The following PPP2R1B variants were observed in gnomAD, a reference collection of about 807,000 sequenced individuals.
The protein encoded by PPP2R1B is serine/threonine-protein phosphatase 2A 65 kDa regulatory subunit A beta isoform.
PPP2R1B carries 58 observed loss-of-function variants against 72.7 expected under a neutral mutation model. The observed-to-expected ratio is 0.80, with a 90% CI of 0.65 to 0.99. PPP2R1B has a LOEUF of 0.99. PPP2R1B is among the 50% of genes least tolerant of loss of function. PPP2R1B has a pLI of 0.00. For missense variants in PPP2R1B, 695 were observed against 733.6 expected, an observed-to-expected ratio of 0.95 and a Z score of 0.61; for synonymous variants, 256 against 264.6, an observed-to-expected ratio of 0.97 and a Z score of 0.32.
the PPP2R1B span, chr11:111,721,829 G>A: frequency 6.2e-7 from 1 of 1,605,102 alleles, no homozygotes. Flanking sequence ...TTGCTCCTCA[G>A]GAAGAAGTTT....
At chr11:111,753,291 A>G in intron 9 of PPP2R1B, 152 bp downstream of exon 9, 1 of 1,059,926 alleles carries the variant, frequency 9.4e-7, no homozygotes, top group Non-Finnish European at 1.3e-6. Flanking sequence ...CTATAACCCC[A>G]TACCCAAAAT....
chr11:111,749,943 G>C (rs1176208991), intron 10 of PPP2R1B, among the ~76,000 whole-genome samples: 1 of 152,120 alleles, frequency 6.6e-6, no homozygotes, highest in African/African-American at 2.4e-5. Flanking sequence ...AGATAGTTTT[G>C]GTCTTCAGCA....
chr11:111,722,273 A>G (rs1943824536), downstream of PPP2R1B, among the ~76,000 whole-genome samples: 1 of 152,222 alleles, frequency 6.6e-6, no homozygotes, highest in South Asian at 2.1e-4. The surrounding 1 kb of genome is among the most constrained non-coding windows in gnomAD (Gnocchi z 4.4). Flanking sequence ...CAGAATTTCT[A>G]CATGGGCTTT....
At chr11:111,719,972 G>A in the PPP2R1B span, 1 of 1,614,056 alleles carries the variant, frequency 6.2e-7, no homozygotes, top group Admixed American at 1.7e-5. Flanking sequence ...TGTCAGAAGT[G>A]ACCAATCAAC....
chr11:111,760,049 A>G (rs1945270169), intron 4 of PPP2R1B, 98 bp from the exon 5 acceptor site: 2 of 1,268,208 alleles, frequency 1.6e-6, no homozygotes, highest in Non-Finnish European at 2.2e-6. Flanking sequence ...TTATCTTACA[A>G]TAATCAGTGA....
intron 9 of PPP2R1B, among the ~76,000 whole-genome samples, chr11:111,753,063 C>T (rs1252928546): frequency 5.3e-5 from 8 of 152,166 alleles, no homozygotes; most frequent in Admixed American, 3.9e-4. Context: ...ATGCAAAGCA[C>T]TAAGGCTCAT....
intron 15 of PPP2R1B, among the ~76,000 whole-genome samples, chr11:111,731,362 A>AAGGCCTC (rs577329580): frequency 1.4e-4 from 22 of 152,198 alleles, no homozygotes; most frequent in Non-Finnish European, 1.9e-4. Flanking sequence ...GGGTCTGCCA[A>AAGGCCTC]AGGCCTCGAC....
chr11:111,695,585 G>C, the PPP2R1B span, among the ~76,000 whole-genome samples: 174 of 152,182 alleles, frequency 1.1e-3, 1 homozygote, highest in African/African-American at 4.0e-3. Context: ...TCTGTTTTCT[G>C]GCTAGTCAAA....
chr11:111,752,790 C>T (rs1944958077), intron 9 of PPP2R1B, among the ~76,000 whole-genome samples: 2 of 152,064 alleles, frequency 1.3e-5, no homozygotes, highest in Admixed American at 1.3e-4. Flanking sequence ...AGTGAAACCC[C>T]GTCTCTACTA....
At position 111,740,005 on chromosome 11, in the gene PPP2R1B, AACAAATAT is replaced by A. The variant is rs1211704692; in HGVS notation, c.*1583_*1590del. The A allele has an allele frequency of 4.1e-6, 4 of 982,246 alleles. No homozygotes were observed. In the African/African-American group the frequency reaches 7.0e-5, roughly 17 times the overall value. The allele number at this position is 982,246 out of a possible 1,614,324, so 60.8% of individuals were successfully genotyped here. On this transcript the variant is annotated 3_prime_UTR_variant, in exon 15 of 15. Coordinates refer to ENST00000527614, the MANE Select transcript of PPP2R1B (RefSeq NM_002716.5). ...TATTTAGTAAAACTTGGTTTTATGT[AACAAATAT>A]ACAAAGTCTTAGAGGAGTCTTTGGG... is the stretch of plus-strand genomic sequence containing the variant.
At chr11:111,709,652 T>C in the PPP2R1B span, among the ~76,000 whole-genome samples, 1 of 152,216 alleles carries the variant, frequency 6.6e-6, no homozygotes, top group Non-Finnish European at 1.5e-5. Context: ...GCTAATCAAC[T>C]GTGTAATGCT....
At position 111,755,105 on chromosome 11, in the gene PPP2R1B, A is replaced by T; in HGVS notation, c.844-11T>A. ...CATGGCTTTCTGGAGCTATAAAAGAATTTGAACGGGTTTTAATGTATACTA... is the reference window on the plus strand; with the variant it reads ...CATGGCTTTCTGGAGCTATAAAAGATTTTGAACGGGTTTTAATGTATACTA... On this transcript the variant is annotated splice_polypyrimidine_tract_variant and intron_variant, in intron 6 of 14. Transcript: ENST00000527614. 1 of 1,595,854 alleles carries T rather than the reference A, an allele frequency of 6.3e-7. No individual in the cohort carries two copies. Among genetic ancestry groups the T allele is most frequent in the Non-Finnish European group, 8.6e-7 (1 of 1,166,252 alleles).
At position 111,741,128 on chromosome 11, in the gene PPP2R1B, T is replaced by C. The variant is rs972179800; in HGVS notation, c.*468A>G. The stretch of plus-strand genomic sequence containing the variant: ...CTTTCATTACGGTCAAATCTCAACA[T>C]GTCTCCCGAAGAGTTTATAAAATAA... On this transcript the variant is annotated 3_prime_UTR_variant, in exon 15 of 15. Transcript: ENST00000527614. The C allele has an allele frequency of 2.2e-5, 22 of 988,288 alleles. No individual in the cohort carries two copies. The Admixed American group carries it at 3.0e-4, about 13-fold the overall frequency. The allele number at this position is 988,288 out of a possible 1,614,324, so 61.2% of individuals were successfully genotyped here.
At chr11:111,713,973 AAAAT>A in the PPP2R1B span, among the ~76,000 whole-genome samples, 125 of 152,362 alleles carry the variant, frequency 8.2e-4, no homozygotes, top group African/African-American at 2.8e-3. Flanking sequence ...TCTCAAAAAA[AAAAT>A]AAATAAAATA....
chr11:111,711,121 ATT>A, the PPP2R1B span, among the ~76,000 whole-genome samples: 4 of 143,936 alleles, frequency 2.8e-5, no homozygotes, highest in Non-Finnish European at 3.1e-5. Context: ...CTTTTAAATG[ATT>A]TTTTTTTTTT....
At chr11:111,737,535 A>G (rs764448828), downstream of PPP2R1B, 10 of 1,614,080 alleles carry the variant, frequency 6.2e-6, no homozygotes, top group African/African-American at 1.3e-5. Context: ...TGTCCTTCAC[A>G]GGAAATTCTA....
intron 3 of PPP2R1B, among the ~76,000 whole-genome samples, chr11:111,762,587 GCT>G (rs1469558494): frequency 1.4e-5 from 2 of 141,540 alleles, no homozygotes; most frequent in Non-Finnish European, 3.0e-5. Context: ...ACAGGGTCTT[GCT>G]CTGTTGCCCA....
At chr11:111,758,590 A>G (rs1350566732) in intron 5 of PPP2R1B, among the ~76,000 whole-genome samples, 1 of 152,164 alleles carries the variant, frequency 6.6e-6, no homozygotes, top group Non-Finnish European at 1.5e-5. Context: ...CTCCTTTTAA[A>G]AAAAGAAAAG....
chr11:111,746,545 G>A (rs910858156), intron 11 of PPP2R1B, among the ~76,000 whole-genome samples: 1 of 152,036 alleles, frequency 6.6e-6, no homozygotes, highest in Non-Finnish European at 1.5e-5. Context: ...AAACCTAGAC[G>A]ACAGGTTGAT....
Sources: gnomAD v4.1 joint callset for allele counts (sites outside exome capture counted in the v4.1 genomes callset) on GRCh38, gnomAD v4.1.1 for gene constraint, Gnocchi (gnomAD v3.1) non-coding constraint, MANE v1.5 for transcripts, NCBI Gene and HGNC (gene_info 2026-07-23, HGNC 2026-07-21) for gene names.